DCAF13: variants seen among roughly 807,000 people sequenced by gnomAD.
DCAF13 encodes the protein DDB1 and CUL4 associated factor 13.
Under a neutral mutation model 59.0 loss-of-function variants are expected in DCAF13, and 38 were observed. That is an observed-to-expected ratio of 0.64 (90% CI 0.50 to 0.84). The LOEUF is 0.84. Among genes scored for constraint, DCAF13 ranks in the 40% least tolerant of loss-of-function variants. DCAF13 has a pLI of 0.00. For missense variants in DCAF13, 469 were observed against 558.4 expected (o/e 0.84, Z 1.61); for synonymous variants, 173 against 175.0 (o/e 0.99, Z 0.09).
chr8:103,421,323 A>G, intron 3 of DCAF13: 1 of 597,334 alleles, frequency 1.7e-6, no homozygotes, highest in Non-Finnish European at 3.0e-6. Context: ...ATGAGAGGTA[A>G]GTCTAGAAAG....
rs148884091 is a variant in DCAF13, at chr8:103,427,163, G to C, written c.535G>C (p.Asp179His). The stretch of plus-strand genomic sequence containing the variant: ...TTTTGCCACATGTGGACAGCAAGTA[G>C]ACATTTGGGATGAACAAAGAACTAA... ...AVFATCGQQVDIWDEQRTNPI... is the reference protein window; with the variant it reads ...AVFATCGQQVHIWDEQRTNPI... The change falls in exon 5 of 11, where the codon GAC becomes CAC. Residue 179 changes from aspartate to histidine, a missense_variant. Asp to His is a moderately conservative substitution (Grantham distance 81). Coordinates refer to ENST00000612750, the MANE Select transcript of DCAF13 (RefSeq NM_015420.7). 3.7e-5 allele frequency: 59 copies of C among 1,613,456 alleles called. No homozygotes were observed. In the African/African-American group the frequency reaches 7.1e-4, roughly 19 times the overall value.
chr8:103,428,120 C>G (rs1207128023), intron 5 of DCAF13: 1 of 152,078 alleles, frequency 6.6e-6, no homozygotes, highest in Non-Finnish European at 1.5e-5. Context: ...AAGGTTGAGT[C>G]AAAATAGTAA....
At chr8:103,435,417 G>T (rs1041317947) in intron 7 of DCAF13, among the ~76,000 whole-genome samples, 2 of 152,058 alleles carry the variant, frequency 1.3e-5, no homozygotes, top group Admixed American at 6.6e-5. Flanking sequence ...GGTGGAAAAT[G>T]TGTTGGTATA....
chr8:103,418,866 ATTTTTTTTTTTTTTTTTTTTTTTT>A lies in DCAF13; in HGVS notation c.71-1386_71-1363del, dbSNP rs1159489554. 1.1e-3 allele frequency among the ~76,000 whole-genome samples: 42 copies of A among 38,432 alleles called. 1 individual carries two copies. The highest frequency in any genetic ancestry group is 3.9e-3 in the African/African-American group (39 of 10,120). The allele number at this position is 38,432 out of a possible 152,430, so 25.2% of individuals were successfully genotyped here. On this transcript the variant is annotated intron_variant, in intron 1 of 10. Coordinates refer to ENST00000612750, the MANE Select transcript of DCAF13 (RefSeq NM_015420.7). ...TATATATATATATATATATATATAT[ATTTTTTTTTTTTTTTTTTTTTTTT>A]TTTTTTTTTTTGAGATGAAGTCACA...
chr8:103,433,636 A>G (rs1385947931), intron 7 of DCAF13, among the ~76,000 whole-genome samples: 2 of 152,106 alleles, frequency 1.3e-5, no homozygotes, highest in Non-Finnish European at 2.9e-5. Flanking sequence ...TAGTGGTACC[A>G]ACTAAAAGCA....
rs757934902 is a variant in DCAF13, at chr8:103,430,598, A to C, written c.625-14A>C. On this transcript the variant is annotated splice_polypyrimidine_tract_variant and intron_variant, in intron 5 of 10. Transcript: ENST00000612750. Reference sequence around the variant, plus strand: ...GTCTGGCTTTGAACTGGTGATTGTTATACTTGTTTTTAGACATTTCTCTTG... The same window carrying C: ...GTCTGGCTTTGAACTGGTGATTGTTCTACTTGTTTTTAGACATTTCTCTTG... The C allele has an allele frequency of 1.2e-6, 2 of 1,603,494 alleles. No individual in the cohort carries two copies. The highest frequency in any genetic ancestry group is 1.7e-6 in the Non-Finnish European group (2 of 1,172,476).
At chr8:103,423,763 A>G (rs1816753494) in intron 3 of DCAF13, among the ~76,000 whole-genome samples, 1 of 152,264 alleles carries the variant, frequency 6.6e-6, no homozygotes. Context: ...TCAAAACACA[A>G]TGTTGTACAT....
chr8:103,438,974 G>C (rs999460750), intron 8 of DCAF13, among the ~76,000 whole-genome samples: 1 of 151,944 alleles, frequency 6.6e-6, no homozygotes, highest in Non-Finnish European at 1.5e-5. Context: ...TTCCAAATAG[G>C]TATGATATTT....
chr8:103,417,908 A>G (rs1358583832), intron 1 of DCAF13, among the ~76,000 whole-genome samples: 1 of 152,094 alleles, frequency 6.6e-6, no homozygotes, highest in Non-Finnish European at 1.5e-5. Context: ...TCACGAGGTC[A>G]GGAGATCGAG....
chr8:103,415,503 G>A lies in DCAF13; in HGVS notation c.57G>A (p.Leu19=). 6 of 1,610,882 alleles carry A rather than the reference G, an allele frequency of 3.7e-6. No individual in the cohort carries two copies. Among genetic ancestry groups the A allele is most frequent in the African/African-American group, 1.3e-5 (1 of 75,006 alleles). Residue 19 remains leucine, a synonymous_variant, in exon 1 of 11, where the codon TTG becomes TTA. Coordinates refer to ENST00000612750, the MANE Select transcript of DCAF13 (RefSeq NM_015420.7). ...NPDNYVRETK[L]DLQRVPRNYD... is the part of the protein sequence containing the mutation. ...ACAATTATGTCCGCGAAACCAAGTTGGACTTACAGAGAGGTAAGATAAGTT... is the reference window on the plus strand; with the variant it reads ...ACAATTATGTCCGCGAAACCAAGTTAGACTTACAGAGAGGTAAGATAAGTT...
Position 103,435,764 on chromosome 8 carries a change from CT to C in DCAF13, c.927del (p.Pro310LeufsTer2). ...CTAGTTTCGATAAATCTATTCGAAT[CT>C]TTCCTGTAGACAAAAGTCGAAGCAG... ...SASFDKSIRIFPVDKSRSREV... is the reference protein window; with the variant it reads ...SASFDKSIRIXPVDKSRSREV... On this transcript the variant is annotated frameshift_variant, in exon 8 of 11. Coordinates refer to ENST00000612750, the MANE Select transcript of DCAF13 (RefSeq NM_015420.7). LOFTEE classifies it high-confidence loss of function. 1 of 1,613,662 alleles carries C rather than the reference CT, an allele frequency of 6.2e-7. No homozygotes were observed. Among genetic ancestry groups the C allele is most frequent in the South Asian group, 1.1e-5 (1 of 91,070 alleles).
At position 103,441,438 on chromosome 8, in the gene DCAF13, A is replaced by G. The variant is rs1019249983; in HGVS notation, c.1087-17A>G. 1 of 1,576,924 alleles carries G rather than the reference A, an allele frequency of 6.3e-7. No homozygotes were observed. Among genetic ancestry groups the G allele is most frequent in the African/African-American group, 1.4e-5 (1 of 72,340 alleles). ...ACAACACACTATTCATTAAGATACC[A>G]AAATGTGTATTTTCAGCTTACATCA... On this transcript the variant is annotated splice_polypyrimidine_tract_variant and intron_variant, in intron 9 of 10. Coordinates refer to ENST00000612750, the MANE Select transcript of DCAF13 (RefSeq NM_015420.7).
chr8:103,430,290 G>A, intron 5 of DCAF13: 1 of 163,984 alleles, frequency 6.1e-6, no homozygotes, highest in Non-Finnish European at 1.3e-5. Flanking sequence ...TCCTCCACAG[G>A]CTGAGGCATG....
At chr8:103,436,637 G>C (rs955795185) in intron 8 of DCAF13, among the ~76,000 whole-genome samples, 1 of 152,062 alleles carries the variant, frequency 6.6e-6, no homozygotes, top group African/African-American at 2.4e-5. Flanking sequence ...GGCATTTTAA[G>C]GAGTTTGCAA....
At chr8:103,426,023 T>A (rs1816787705) in intron 3 of DCAF13, 33 bp from the exon 4 acceptor site, 1 of 1,463,108 alleles carries the variant, frequency 6.8e-7, no homozygotes, top group Non-Finnish European at 9.6e-7. Context: ...CTGTTGTTCC[T>A]TACCATCATC....
At position 103,419,085 on chromosome 8, in the gene DCAF13, T is replaced by C. The variant is rs147014888; in HGVS notation, c.71-1179T>C. On this transcript the variant is annotated intron_variant, in intron 1 of 10. Coordinates refer to ENST00000612750, the MANE Select transcript of DCAF13 (RefSeq NM_015420.7). Reference sequence around the variant, plus strand: ...GTATTTTTAGTAGATGGGATTTCACTGTGGTAGCCAGGATGGTCTCGATCT... The same window carrying C: ...GTATTTTTAGTAGATGGGATTTCACCGTGGTAGCCAGGATGGTCTCGATCT... Among the ~76,000 whole-genome samples the C allele has an allele frequency of 3.6e-3, 552 of 151,398 alleles. 10 individuals are homozygous for C. Among genetic ancestry groups the C allele is most frequent in the African/African-American group, 0.011 (460 of 41,292 alleles).
intron 7 of DCAF13, among the ~76,000 whole-genome samples, chr8:103,435,238 C>T (rs1005564689): frequency 3.3e-5 from 5 of 151,946 alleles, no homozygotes; most frequent in Admixed American, 6.6e-5. Flanking sequence ...TAAAGCTTTA[C>T]ATAACATTTC....
At chr8:103,418,864 ATATTTTTTTTTTTTTTTTTTTT>A (rs1230691014) in intron 1 of DCAF13, among the ~76,000 whole-genome samples, 19 of 27,954 alleles carry the variant, frequency 6.8e-4, no homozygotes, top group African/African-American at 2.0e-3. Flanking sequence ...ATATATATAT[ATATTTTTTTTTTTTTTTTTTTT>A]TTTTTTTTTT....
At position 103,426,074 on chromosome 8, in the gene DCAF13, G is replaced by A. The variant is rs1252528565; in HGVS notation, c.397G>A (p.Val133Met). ...SFFTVGDDKT[V>M]KQWKMDGPGY... ...TTTCTAGGTTGGTGATGACAAAACTGTGAAGCAGTGGAAAATGGATGGGCC... is the reference window on the plus strand; with the variant it reads ...TTTCTAGGTTGGTGATGACAAAACTATGAAGCAGTGGAAAATGGATGGGCC... Residue 133 changes from valine (V) to methionine (M), a missense_variant, in exon 4 of 11, where the codon GTG (valine) becomes ATG (methionine). By Grantham distance (21) the Val-to-Met change is conservative. Around this residue, in one of 3 missense-constraint regions of DCAF13, gnomAD observed 355 missense variants for 399.1 expected, o/e 0.89. Coordinates refer to ENST00000612750, the MANE Select transcript of DCAF13 (RefSeq NM_015420.7). 6.2e-7 allele frequency: 1 copy of A among 1,612,512 alleles called. No individual in the cohort carries two copies. Among genetic ancestry groups the A allele is most frequent in the African/African-American group, 1.3e-5 (1 of 75,008 alleles).
Sources: gnomAD v4.1 joint callset for allele counts (sites outside exome capture counted in the v4.1 genomes callset) on GRCh38, gnomAD v4.1.1 for gene constraint, gnomAD v4.1.1 regional missense constraint, MANE v1.5 for transcripts, NCBI Gene and HGNC (gene_info 2026-07-23, HGNC 2026-07-21) for gene names.